TAFA1: variants seen among roughly 807,000 people sequenced by gnomAD.
TAFA1 encodes the protein TAFA chemokine like family member 1.
Under a neutral mutation model 18.5 loss-of-function variants are expected in TAFA1, and 4 were observed. The observed-to-expected ratio is 0.22, with a 90% CI of 0.11 to 0.49. The LOEUF (loss-of-function observed/expected upper bound fraction) is 0.49, where lower values mean the gene tolerates loss of function less well. Ranked by LOEUF, TAFA1 falls within the 20% of genes least tolerant of loss-of-function variation. The pLI is 0.98. For missense variants in TAFA1, 147 were observed against 169.0 expected (o/e 0.87, Z 0.72); for synonymous variants, 56 against 55.2 (o/e 1.01, Z -0.06).
chr3:68,498,999 T>C (rs571970389), intron 3 of TAFA1, among the ~76,000 whole-genome samples: 1 of 152,250 alleles, frequency 6.6e-6, no homozygotes, highest in African/African-American at 2.4e-5. Flanking sequence ...TTCTCTCTCC[T>C]ACTTTTGCAA....
intron 2 of TAFA1, among the ~76,000 whole-genome samples, chr3:68,135,054 C>T (rs1195583667): frequency 6.6e-6 from 1 of 152,088 alleles, no homozygotes; most frequent in East Asian, 1.9e-4. Context: ...CATTTTTCAG[C>T]CATTAGTGGC....
intron 2 of TAFA1, among the ~76,000 whole-genome samples, chr3:68,341,991 T>A (rs974974974): frequency 6.6e-6 from 1 of 152,202 alleles, no homozygotes; most frequent in Non-Finnish European, 1.5e-5. Context: ...AAGGCACGTT[T>A]GAAGAATGGG....
intron 2 of TAFA1, among the ~76,000 whole-genome samples, chr3:68,077,246 C>T (rs1238765304): frequency 2.1e-5 from 3 of 143,784 alleles, no homozygotes; most frequent in Admixed American, 7.0e-5. Flanking sequence ...AATTTTCTCC[C>T]ATTTTGTAGG....
intron 2 of TAFA1, among the ~76,000 whole-genome samples, chr3:68,284,932 C>A (rs1219554045): frequency 6.6e-6 from 1 of 151,892 alleles, no homozygotes; most frequent in Non-Finnish European, 1.5e-5. Flanking sequence ...TAGCCATGGA[C>A]AATTAAAATA....
intron 3 of TAFA1, among the ~76,000 whole-genome samples, chr3:68,429,568 C>T (rs941696451): frequency 1.6e-4 from 25 of 151,988 alleles, no homozygotes; most frequent in Non-Finnish European, 2.7e-4. Context: ...AGAACAATAA[C>T]ACCAGTCACA....
intron 3 of TAFA1, among the ~76,000 whole-genome samples, chr3:68,483,243 CA>C (rs2106661696): frequency 6.6e-6 from 1 of 152,268 alleles, no homozygotes; most frequent in East Asian, 1.9e-4. Context: ...ATATACATGT[CA>C]GGGGTCAATA....
chr3:68,122,197 AT>A (rs1295631708), intron 2 of TAFA1, among the ~76,000 whole-genome samples: 3 of 131,178 alleles, frequency 2.3e-5, no homozygotes, highest in East Asian at 2.1e-4. Context: ...TTCTTTATAT[AT>A]TTTTTTTAAT....
Position 68,353,277 on chromosome 3 carries a change from T to G in TAFA1, c.119-64003T>G, listed in dbSNP as rs574132803. Among the ~76,000 whole-genome samples the G allele has an allele frequency of 4.1e-4, 62 of 152,226 alleles. 1 individual carries two copies. Among genetic ancestry groups the G allele is most frequent in the South Asian group, 1.4e-3 (7 of 4,828 alleles). ...GGACAAACAAGGAGTCTGTAGCTTTTGTTTCTTTGGTTGTCTCTGTTCCTA... is the reference window on the plus strand; with the variant it reads ...GGACAAACAAGGAGTCTGTAGCTTTGGTTTCTTTGGTTGTCTCTGTTCCTA... On this transcript the variant is annotated intron_variant, in intron 2 of 4. Transcript: ENST00000478136.
At chr3:68,283,441 T>C (rs141414592) in intron 2 of TAFA1, among the ~76,000 whole-genome samples, 1 of 152,242 alleles carries the variant, frequency 6.6e-6, no homozygotes, top group East Asian at 1.9e-4. Context: ...AATTTATGCA[T>C]AATTTTTATA....
At chr3:68,385,379 A>G (rs1358040471) in intron 2 of TAFA1, among the ~76,000 whole-genome samples, 1 of 152,122 alleles carries the variant, frequency 6.6e-6, no homozygotes, top group African/African-American at 2.4e-5. Flanking sequence ...TTATTAGCAG[A>G]TAATAGTCAG....
At chr3:68,108,159 A>T (rs1343265320) in intron 2 of TAFA1, among the ~76,000 whole-genome samples, 1 of 152,084 alleles carries the variant, frequency 6.6e-6, no homozygotes, top group African/African-American at 2.4e-5. Context: ...TATGAGAGAG[A>T]TGTGTCAAAT....
At chr3:68,355,382 A>G (rs932716072) in intron 2 of TAFA1, among the ~76,000 whole-genome samples, 24 of 152,044 alleles carry the variant, frequency 1.6e-4, no homozygotes, top group Non-Finnish European at 2.9e-5. Context: ...ACTTCTGTTC[A>G]GTCACTTAAC....
At chr3:68,474,217 A>T (rs533868239) in intron 3 of TAFA1, among the ~76,000 whole-genome samples, 1 of 152,278 alleles carries the variant, frequency 6.6e-6, no homozygotes, top group East Asian at 1.9e-4. Flanking sequence ...GAGTAAATCA[A>T]AGTTACTAAG....
intron 2 of TAFA1, among the ~76,000 whole-genome samples, chr3:68,336,864 C>T (rs1436501252): frequency 6.6e-6 from 1 of 152,160 alleles, no homozygotes; most frequent in Non-Finnish European, 1.5e-5. Context: ...GCTGGGATTA[C>T]AGGCATGCAC....
At chr3:68,350,068 A>G (rs538007025) in intron 2 of TAFA1, among the ~76,000 whole-genome samples, 1 of 152,148 alleles carries the variant, frequency 6.6e-6, no homozygotes, top group Non-Finnish European at 1.5e-5. Flanking sequence ...TGAACCGTGC[A>G]TATGTATAGT....
At chr3:68,327,739 T>G (rs2068800264) in intron 2 of TAFA1, among the ~76,000 whole-genome samples, 1 of 152,192 alleles carries the variant, frequency 6.6e-6, no homozygotes, top group Admixed American at 6.5e-5. Flanking sequence ...TCATAATCAA[T>G]TAACATGCAT....
rs865950773 is a variant in TAFA1, at chr3:68,370,494, A to G, written c.119-46786A>G. 4.5e-3 allele frequency among the ~76,000 whole-genome samples: 368 copies of G among 81,048 alleles called. 4 individuals carry two copies. The highest frequency in any genetic ancestry group is 0.011 in the African/African-American group (263 of 24,022). 53.2% of individuals were successfully genotyped at this position (81,048 alleles called of 152,430 possible). A position where few individuals can be genotyped will look rare whatever the true frequency, so the allele number is the denominator to read the frequency against. ...TGTGTATATATATATATATATATAT[A>G]TATATATATATATATATATATACCC... On this transcript the variant is annotated intron_variant, in intron 2 of 4. Coordinates refer to ENST00000478136, the MANE Select transcript of TAFA1 (RefSeq NM_213609.4).
At chr3:68,348,035 T>C (rs984570704) in intron 2 of TAFA1, among the ~76,000 whole-genome samples, 2 of 152,140 alleles carry the variant, frequency 1.3e-5, no homozygotes, top group Non-Finnish European at 2.9e-5. Flanking sequence ...CTCCCTGATG[T>C]TGATTCCTCA....
chr3:68,262,930 T>C (rs2067464922), intron 2 of TAFA1, among the ~76,000 whole-genome samples: 1 of 152,230 alleles, frequency 6.6e-6, no homozygotes, highest in Non-Finnish European at 1.5e-5. Flanking sequence ...TTATAAAGTT[T>C]TAATAATTTC....
Sources: allele counts gnomAD v4.1 joint callset (sites outside exome capture counted in the v4.1 genomes callset), GRCh38; gene constraint gnomAD v4.1.1; transcripts MANE v1.5; gene names NCBI Gene and HGNC (gene_info 2026-07-23, HGNC 2026-07-21).